The following LMNA variants were observed in gnomAD, a reference collection of about 807,000 sequenced individuals.
LMNA encodes the protein lamin A/C.
A neutral mutation model predicts 70.4 loss-of-function variants in LMNA; 20 were observed. That is an observed-to-expected ratio of 0.28 (90% confidence interval 0.20 to 0.41). The LOEUF (loss-of-function observed/expected upper bound fraction) is 0.41, where lower values mean the gene tolerates loss of function less well. Among genes scored for constraint, LMNA ranks in the 10% least tolerant of loss-of-function variants. LMNA has a pLI of 1.00. For missense variants in LMNA, 652 were observed against 917.2 expected (o/e 0.71, Z 3.73); for synonymous variants, 339 against 372.8 (o/e 0.91, Z 1.04).
At chr1:156,098,779 G>A (rs1431947115) in intron 3 of LMNA, among the ~76,000 whole-genome samples, 1 of 152,234 alleles carries the variant, frequency 6.6e-6, no homozygotes, top group East Asian at 1.9e-4. Context: ...CTGAGATAGA[G>A]CTACCCTGCA....
intron 3 of LMNA, among the ~76,000 whole-genome samples, chr1:156,106,150 T>A (rs1197932995): frequency 6.8e-6 from 1 of 147,772 alleles, no homozygotes; most frequent in East Asian, 2.0e-4. Context: ...AAAAAAAAAA[T>A]TCCCTTATCC....
At position 156,106,127 on chromosome 1, in the gene LMNA, TC is replaced by T. The variant is rs1281311580; in HGVS notation, c.-206-8584del. 8.9e-5 allele frequency among the ~76,000 whole-genome samples: 13 copies of T among 145,886 alleles called. No individual in the cohort carries two copies. In the East Asian group the frequency reaches 2.6e-3, roughly 30 times the overall value. On this transcript the variant is annotated intron_variant, in intron 3 of 12. Transcript: ENST00000368301. ...TCCAGCCTGGGAGACACAGCGAGAC[TC>T]CGTCTCAAAAAAAAAAAAAAATTCC...
chr1:156,137,811 C>G lies in LMNA; in HGVS notation c.1698+68C>G. 6.5e-7 allele frequency: 1 copy of G among 1,544,856 alleles called. No homozygotes were observed. The highest frequency in any genetic ancestry group is 1.2e-5 in the South Asian group (1 of 83,928). ...ACCCAGCCAGGCCTGGGGGCAGCCT[C>G]TCCCCAGCCTCCCCGTGCCAAAAAT... On this transcript the variant is annotated intron_variant, in intron 10 of 11. Coordinates refer to ENST00000368300, the MANE Select transcript of LMNA (RefSeq NM_170707.4). This position sits in a 1 kb window ranked among gnomAD's most constrained non-coding sequence, Gnocchi z 4.6.
At chr1:156,118,692 G>T (rs567938699) in intron 1 of LMNA, among the ~76,000 whole-genome samples, 1 of 152,266 alleles carries the variant, frequency 6.6e-6, no homozygotes, top group Middle Eastern at 3.4e-3. Context: ...GTAGAGTAAA[G>T]AATTTGGGAG....
At chr1:156,102,447 C>T (rs1019606873) in intron 3 of LMNA, among the ~76,000 whole-genome samples, 7 of 152,196 alleles carry the variant, frequency 4.6e-5, no homozygotes, top group African/African-American at 1.7e-4. Context: ...GAGCTGTGAG[C>T]ACCCAAGGGC....
chr1:156,108,016 C>T (rs1649414161), intron 3 of LMNA, among the ~76,000 whole-genome samples: 1 of 152,118 alleles, frequency 6.6e-6, no homozygotes, highest in South Asian at 2.1e-4. Flanking sequence ...ATCCACCCAC[C>T]TCAGCCTCCC....
chr1:156,129,980 C>T, intron 1 of LMNA: 3 of 690,742 alleles, frequency 4.3e-6, no homozygotes, highest in South Asian at 3.1e-5. Context: ...CTGTTCAGTG[C>T]AGATCAGGGC....
At chr1:156,095,603 C>T (rs190456452) in intron 3 of LMNA, among the ~76,000 whole-genome samples, 374 of 151,992 alleles carry the variant, frequency 2.5e-3, no homozygotes, top group African/African-American at 8.6e-3. Flanking sequence ...GTGATCCACC[C>T]GCCTCGGCCT....
chr1:156,094,421 C>G (rs1962065), intron 3 of LMNA, among the ~76,000 whole-genome samples: 2 of 151,824 alleles, frequency 1.3e-5, no homozygotes, highest in Non-Finnish European at 2.9e-5. Context: ...TCACTGCAAC[C>G]TCTGCCTCCC....
At chr1:156,093,481 A>AT (rs1182217377) in intron 3 of LMNA, among the ~76,000 whole-genome samples, 1 of 149,984 alleles carries the variant, frequency 6.7e-6, no homozygotes, top group African/African-American at 2.5e-5. Context: ...AATTTTTGTA[A>AT]TTTTTTTAGA....
rs1019024851 is a variant in LMNA, at chr1:156,103,893, C to T, written c.-206-10820C>T. Among the ~76,000 whole-genome samples, 13 of 152,162 alleles carry T rather than the reference C, an allele frequency of 8.5e-5. No homozygotes were observed. The highest frequency in any genetic ancestry group is 2.1e-4 in the South Asian group (1 of 4,830). On this transcript the variant is annotated intron_variant, in intron 3 of 12. Coordinates refer to the LMNA transcript ENST00000368301. This position sits in a 1 kb window ranked among gnomAD's most constrained non-coding sequence, Gnocchi z 4.7. The stretch of plus-strand genomic sequence containing the variant: ...CACCAGCCCTGCTCCCCTGCCCTTT[C>T]GAAGCCTCTAGTGGAGTCACTCCTT...
In LMNA at chr1:156,126,882, G is replaced by A. The variant is rs770543241; in HGVS notation, c.357-3735G>A. 3 of 1,611,102 alleles carry A rather than the reference G, an allele frequency of 1.9e-6. No individual in the cohort carries two copies. Among genetic ancestry groups the A allele is most frequent in the Admixed American group, 1.7e-5 (1 of 59,768 alleles). On this transcript the variant is annotated intron_variant, in intron 1 of 11. Transcript: ENST00000368300. ...ACTCTGCTGGCACAGCACCCGGCCTGGGGCAGGACACGGGCGAAGCCAGGG... is the reference window on the plus strand; with the variant it reads ...ACTCTGCTGGCACAGCACCCGGCCTAGGGCAGGACACGGGCGAAGCCAGGG...
intron 2 of LMNA, among the ~76,000 whole-genome samples, 197 bp downstream of exon 2, chr1:156,130,970 G>A (rs923467228): frequency 3.3e-5 from 5 of 152,156 alleles, no homozygotes; most frequent in African/African-American, 1.2e-4. Flanking sequence ...CTACCACAGT[G>A]AATTTAAAAT....
intron 1 of LMNA, among the ~76,000 whole-genome samples, chr1:156,120,896 A>C (rs1650139130): frequency 1.3e-5 from 2 of 151,872 alleles, no homozygotes; most frequent in African/African-American, 4.8e-5. Context: ...TGTCATGGGA[A>C]TTGTCCACCC....
Position 156,138,872 on chromosome 1 carries a change from G to A in LMNA, c.1968+115G>A, listed in dbSNP as rs1651891998. ...CTGCCTTCTCTTCCGCAGCCCGGGG[G>A]AGTGGGAGCCTCCTCCCCACAGCCT... On this transcript the variant is annotated intron_variant, in intron 11 of 11. Coordinates refer to ENST00000368300, the MANE Select transcript of LMNA (RefSeq NM_170707.4). The surrounding 1 kb of genome is among the most constrained non-coding windows in gnomAD (Gnocchi z 5.5). 1 of 1,438,284 alleles carries A rather than the reference G, an allele frequency of 7.0e-7. No homozygotes were observed. The highest frequency in any genetic ancestry group is 1.4e-5 in the African/African-American group (1 of 70,892). 89.1% of individuals were successfully genotyped at this position (1,438,284 alleles called of 1,614,324 possible). A position where few individuals can be genotyped will look rare whatever the true frequency, so the allele number is the denominator to read the frequency against.
In LMNA at chr1:156,121,362, AAAG is replaced by A. The variant is rs535697268; in HGVS notation, c.356+6095_356+6097del. On this transcript the variant is annotated intron_variant, in intron 1 of 11. Coordinates refer to ENST00000368300, the MANE Select transcript of LMNA (RefSeq NM_170707.4). ...CAAATCCACGTTCTGATTCAAAGGG[AAAG>A]AAGAAGGGTGCAGCTAAACCTGGGG... Among the ~76,000 whole-genome samples, 537 of 152,200 alleles carry A rather than the reference AAAG, an allele frequency of 3.5e-3. 3 individuals are homozygous for A. Among genetic ancestry groups the A allele is most frequent in the African/African-American group, 0.012 (511 of 41,512 alleles).
intron 1 of LMNA, among the ~76,000 whole-genome samples, chr1:156,116,280 T>G (rs1032963034): frequency 2.0e-5 from 3 of 152,194 alleles, no homozygotes; most frequent in South Asian, 2.1e-4. Context: ...TACAGTGACA[T>G]TTTTGAAATC....
At chr1:156,125,771 C>G (rs1355881746) in intron 1 of LMNA, among the ~76,000 whole-genome samples, 1 of 146,710 alleles carries the variant, frequency 6.8e-6, no homozygotes, top group African/African-American at 2.5e-5. Context: ...GGTGGATCAC[C>G]TGAGGTCAGG....
chr1:156,138,368 G>T lies in LMNA; in HGVS notation c.1699-120G>T. 1 of 1,177,538 alleles carries T rather than the reference G, an allele frequency of 8.5e-7. No individual in the cohort carries two copies. Among genetic ancestry groups the T allele is most frequent in the Non-Finnish European group, 1.2e-6 (1 of 839,718 alleles). 72.9% of individuals were successfully genotyped at this position (1,177,538 alleles called of 1,614,324 possible). On this transcript the variant is annotated intron_variant, in intron 10 of 11. Transcript: ENST00000368300. This position sits in a 1 kb window ranked among gnomAD's most constrained non-coding sequence, Gnocchi z 5.5. The stretch of plus-strand genomic sequence containing the variant: ...ACCCCCATTGCCCGCTGGCTCCTTG[G>T]GCACAGAACCACACCTTCCTGCCTG...
Sources: gnomAD v4.1 joint callset for allele counts (sites outside exome capture counted in the v4.1 genomes callset) on GRCh38, gnomAD v4.1.1 for gene constraint, Gnocchi (gnomAD v3.1) non-coding constraint, MANE v1.5 for transcripts, NCBI Gene and HGNC (gene_info 2026-07-23, HGNC 2026-07-21) for gene names.